Variants in STK3 observed in about 807,000 individuals in gnomAD.
STK3 encodes serine/threonine-protein kinase 3.
STK3 carries 41 observed loss-of-function variants against 58.0 expected under a neutral mutation model. The observed-to-expected ratio is 0.71, with a 90% CI of 0.55 to 0.92. STK3 has a LOEUF of 0.92. STK3 is among the 40% of genes least tolerant of loss of function. STK3 has a pLI of 0.00. For missense variants in STK3, 479 were observed against 602.7 expected (o/e 0.79, Z 2.15); for synonymous variants, 170 against 191.0 (o/e 0.89, Z 0.91).
chr8:98,558,555 C>T (rs186451626), intron 8 of STK3, among the ~76,000 whole-genome samples: 10 of 152,156 alleles, frequency 6.6e-5, no homozygotes, highest in Admixed American at 6.5e-4. Context: ...AATGAATATT[C>T]ATATTAATTT....
intron 6 of STK3, among the ~76,000 whole-genome samples, chr8:98,692,785 T>G (rs1306818074): frequency 6.6e-6 from 1 of 151,964 alleles, no homozygotes. Flanking sequence ...ATACTTATAC[T>G]ATATAAATGT....
At chr8:98,737,622 A>C (rs953128283) in intron 4 of STK3, among the ~76,000 whole-genome samples, 8 of 152,272 alleles carry the variant, frequency 5.3e-5, no homozygotes, top group Admixed American at 1.3e-4. Flanking sequence ...CGACTAGAAA[A>C]TATAACAGCA....
At chr8:98,920,042 T>G (rs1213142798) in intron 1 of STK3, among the ~76,000 whole-genome samples, 1 of 152,248 alleles carries the variant, frequency 6.6e-6, no homozygotes, top group African/African-American at 2.4e-5. Context: ...AATATTTTCA[T>G]GTGTTTGCAC....
At chr8:98,816,913 G>T (rs1834588949) in intron 1 of STK3, among the ~76,000 whole-genome samples, 1 of 152,130 alleles carries the variant, frequency 6.6e-6, no homozygotes, top group Admixed American at 6.5e-5. Context: ...ACACAAGTCA[G>T]GAAAATGATT....
intron 6 of STK3, among the ~76,000 whole-genome samples, chr8:98,614,400 G>C (rs1257455298): frequency 2.0e-5 from 3 of 152,166 alleles, no homozygotes; most frequent in East Asian, 3.8e-4. Flanking sequence ...GAAAACTAAA[G>C]AACACGCTTT....
intron 6 of STK3, among the ~76,000 whole-genome samples, chr8:98,622,238 C>T (rs1818392136): frequency 6.6e-6 from 1 of 151,088 alleles, no homozygotes; most frequent in Non-Finnish European, 1.5e-5. Flanking sequence ...CACTGCACTC[C>T]AGCCTGGGTG....
rs566922468 is a variant in STK3, at chr8:98,921,374, G to A, written c.-79+21004C>T. On this transcript the variant is annotated intron_variant, in intron 1 of 1. Coordinates refer to the STK3 transcript ENST00000519420. ...AGCTACTCTGTACCCTTGACCGAAG[G>A]CCGGTCCTCCTCTGTCGGAGATGGT... 4 of 152,462 alleles carry A rather than the reference G, an allele frequency of 2.6e-5. No homozygotes were observed. In the East Asian group the frequency reaches 7.7e-4, roughly 29 times the overall value. 9.4% of individuals were successfully genotyped at this position (152,462 alleles called of 1,614,324 possible). A position where few individuals can be genotyped will look rare whatever the true frequency, so the allele number is the denominator to read the frequency against.
intron 6 of STK3, among the ~76,000 whole-genome samples, chr8:98,702,066 T>A (rs1338256365): frequency 2.0e-5 from 3 of 152,186 alleles, no homozygotes; most frequent in Non-Finnish European, 4.4e-5. Context: ...TCTACCACAG[T>A]GAAGATTCGG....
intron 1 of STK3, among the ~76,000 whole-genome samples, chr8:98,788,203 G>A (rs1832589171): frequency 2.6e-5 from 4 of 152,050 alleles, no homozygotes; most frequent in African/African-American, 9.7e-5. Flanking sequence ...ATACTGGGAG[G>A]CCGAGGCAGG....
chr8:98,799,229 T>C (rs1372670668), intron 1 of STK3, among the ~76,000 whole-genome samples: 9 of 152,024 alleles, frequency 5.9e-5, no homozygotes, highest in Admixed American at 5.2e-4. Flanking sequence ...TTTTAAACAT[T>C]AGTATTACAT....
At chr8:98,523,225 T>C (rs1179845525) in intron 10 of STK3, among the ~76,000 whole-genome samples, 1 of 152,246 alleles carries the variant, frequency 6.6e-6, no homozygotes, top group Non-Finnish European at 1.5e-5. Flanking sequence ...TGTTTGTGTT[T>C]TGATAATAGT....
intron 1 of STK3, among the ~76,000 whole-genome samples, chr8:98,809,319 C>T (rs1273302188): frequency 6.6e-6 from 1 of 152,178 alleles, no homozygotes; most frequent in African/African-American, 2.4e-5. Context: ...CAACTCAGTC[C>T]TTAACCTGTG....
intron 4 of STK3, among the ~76,000 whole-genome samples, chr8:98,740,065 A>G (rs1171889233): frequency 6.6e-6 from 1 of 152,190 alleles, no homozygotes; most frequent in East Asian, 1.9e-4. Flanking sequence ...AAAGAAATGA[A>G]CAAAGCCTCC....
At chr8:98,346,785 C>T in the STK3 span, among the ~76,000 whole-genome samples, 1 of 150,974 alleles carries the variant, frequency 6.6e-6, no homozygotes, top group Non-Finnish European at 1.5e-5. Flanking sequence ...AGCAGGCCTA[C>T]ACTGTAAGAA....
At chr8:98,736,973 T>C (rs1195295404) in intron 4 of STK3, among the ~76,000 whole-genome samples, 5 of 152,182 alleles carry the variant, frequency 3.3e-5, no homozygotes, top group African/African-American at 1.2e-4. Context: ...CATAATCAAA[T>C]GAATTATAAA....
At chr8:98,917,502 C>T (rs545466858) in intron 1 of STK3, among the ~76,000 whole-genome samples, 5 of 152,192 alleles carry the variant, frequency 3.3e-5, no homozygotes, top group East Asian at 1.9e-4. Context: ...GCCTTGGTCA[C>T]GAGGATGGAC....
chr8:98,461,930 G>A (rs964418131), intron 10 of STK3, among the ~76,000 whole-genome samples: 14 of 148,474 alleles, frequency 9.4e-5, no homozygotes, highest in African/African-American at 3.2e-4. Flanking sequence ...TTTTTGCAAC[G>A]AATCTCCTAG....
At chr8:98,883,886 G>A in intron 1 of STK3, 1 of 586,710 alleles carries the variant, frequency 1.7e-6, no homozygotes. Context: ...AAGCCAGAGG[G>A]GCAGTCACAT....
intron 9 of STK3, among the ~76,000 whole-genome samples, chr8:98,533,469 G>T (rs11994001): frequency 0.38 from 58,024 of 151,754 alleles, 11,346 homozygotes; most frequent in Admixed American, 0.5. Flanking sequence ...TGTATGTATG[G>T]ATGGATGGGT....
Sources: allele counts gnomAD v4.1 joint callset (sites outside exome capture counted in the v4.1 genomes callset), GRCh38; gene constraint gnomAD v4.1.1; transcripts MANE v1.5; gene names NCBI Gene and HGNC (gene_info 2026-07-23, HGNC 2026-07-21).